Variants in MYH16 observed in about 807,000 individuals in gnomAD.
MYH16 encodes putative uncharacterized protein MYH16.
chr7:99,277,320 G>C (rs1792128333), intron 20 of MYH16, among the ~76,000 whole-genome samples: 1 of 152,156 alleles, frequency 6.6e-6, no homozygotes, highest in African/African-American at 2.4e-5. Context: ...TCCTAGGGGA[G>C]GATGGGCCTT....
rs928501471 is a variant in MYH16, at chr7:99,279,802, C to A, written n.2887+65C>A. On this transcript the variant is annotated intron_variant and non_coding_transcript_variant, in intron 22 of 41. Coordinates refer to ENST00000439784, the Ensembl canonical transcript of MYH16. ...CACCTTCAGGGGCCATACCTAAAGC[C>A]CCTATGGTGGCTACACCCAGTGCCC... The A allele has an allele frequency of 1.2e-5, 5 of 413,904 alleles. No homozygotes were observed. In the Admixed American group the frequency reaches 1.5e-4, roughly 12 times the overall value. 25.6% of individuals were successfully genotyped at this position (413,904 alleles called of 1,614,324 possible). A position where few individuals can be genotyped will look rare whatever the true frequency, so the allele number is the denominator to read the frequency against.
intron 23 of MYH16, among the ~76,000 whole-genome samples, chr7:99,282,013 T>C (rs1287262383): frequency 6.6e-6 from 1 of 152,314 alleles, no homozygotes; most frequent in East Asian, 1.9e-4. Flanking sequence ...ATGTGTGTTA[T>C]TCACACTGGT....
intron 22 of MYH16, 24 bp from the exon 5 acceptor site, chr7:99,280,852 C>G (rs968560309): frequency 1.3e-4 from 40 of 308,274 alleles, no homozygotes; most frequent in African/African-American, 8.2e-4. Context: ...AAGGATCTAC[C>G]TCTCTCCCTG....
chr7:99,277,878 CGTGTGT>C (rs61634087), intron 21 of MYH16, among the ~76,000 whole-genome samples, 166 bp downstream of exon 3: 2,346 of 121,140 alleles, frequency 0.019, 20 homozygotes, highest in African/African-American at 0.037. Context: ...CCATCCAATT[CGTGTGT>C]GTGTGTGTGT....
chr7:99,264,343 G>A (rs1208984514), intron 15 of MYH16: 1 of 152,688 alleles, frequency 6.5e-6, no homozygotes, highest in East Asian at 1.9e-4. Context: ...CCCTTTCAAT[G>A]TTGGGTAGTC....
intron 3 of MYH16, chr7:99,247,766 C>A: frequency 6.3e-6 from 1 of 158,444 alleles, no homozygotes; most frequent in Non-Finnish European, 1.4e-5. Context: ...TCGGGGTGGG[C>A]TCTGCTGGGG....
chr7:99,271,280 G>A (rs1467594721), intron 19 of MYH16, among the ~76,000 whole-genome samples: 1 of 152,208 alleles, frequency 6.6e-6, no homozygotes, highest in Admixed American at 6.5e-5. Context: ...AGGCTGAGGC[G>A]GGCGGATTGC....
intron 3 of MYH16, chr7:99,247,894 T>G (rs1174703967): frequency 6.6e-6 from 1 of 152,222 alleles, no homozygotes; most frequent in Non-Finnish European, 1.5e-5. Context: ...TTGCTAAATT[T>G]TGAGCAGCAG....
intron 23 of MYH16, among the ~76,000 whole-genome samples, chr7:99,282,541 T>C (rs1054344177): frequency 1.3e-5 from 2 of 152,158 alleles, no homozygotes; most frequent in Middle Eastern, 6.8e-3. Context: ...GGTATGATCA[T>C]GGCTCACTGC....
chr7:99,302,413 T>C (rs552150294), intron 38 of MYH16, among the ~76,000 whole-genome samples: 1 of 142,018 alleles, frequency 7.0e-6, no homozygotes, highest in Non-Finnish European at 1.5e-5. Flanking sequence ...AAAAATACAA[T>C]AATTAGCCAT....
At chr7:99,298,024 C>T (rs1159108654) in intron 36 of MYH16, 29 bp downstream of exon 17, 1 of 456,300 alleles carries the variant, frequency 2.2e-6, no homozygotes, top group African/African-American at 2.0e-5. Context: ...GGGAGGCTGA[C>T]TCTTGGGAAG....
At chr7:99,310,164 C>T (rs954686694), downstream of MYH16, among the ~76,000 whole-genome samples, 5 of 152,152 alleles carry the variant, frequency 3.3e-5, no homozygotes, top group African/African-American at 1.2e-4. Flanking sequence ...GAAGGCCCAA[C>T]ACACACAAAA....
At chr7:99,295,704 A>C (rs912858001) in intron 33 of MYH16, among the ~76,000 whole-genome samples, 1 of 152,020 alleles carries the variant, frequency 6.6e-6, no homozygotes, top group Non-Finnish European at 1.5e-5. Flanking sequence ...AAGGTGGTTC[A>C]TGCTTGTCAT....
chr7:99,284,022 T>C lies in MYH16; in HGVS notation n.3225+4T>C. 1 of 446,858 alleles carries C rather than the reference T, an allele frequency of 2.2e-6. No homozygotes were observed. Among genetic ancestry groups the C allele is most frequent in the South Asian group, 1.6e-5 (1 of 62,694 alleles). The allele number at this position is 446,858 out of a possible 1,614,324, so 27.7% of individuals were successfully genotyped here. ...ATCTCGAGGAGGTGGTGAAAAAGTA[T>C]GTCTTGTCGTCGTTCGTTTTGTCCA... is the stretch of plus-strand genomic sequence containing the variant. On this transcript the variant is annotated splice_donor_region_variant and intron_variant and non_coding_transcript_variant, in intron 25 of 41. Transcript: ENST00000439784.
rs1282459385 is a variant in MYH16, at chr7:99,302,309, A to T, written n.5137+505A>T. On this transcript the variant is annotated intron_variant and non_coding_transcript_variant, in intron 38 of 41. Coordinates refer to ENST00000439784, the Ensembl canonical transcript of MYH16. ...ACAGAGTGACCATCTCAAAAAAAAAAAAATATATACACACACACACACACA... is the reference window on the plus strand; with the variant it reads ...ACAGAGTGACCATCTCAAAAAAAAATAAATATATACACACACACACACACA... Among the ~76,000 whole-genome samples, 106 of 114,440 alleles carry T rather than the reference A, an allele frequency of 9.3e-4. 3 individuals carry two copies. Among genetic ancestry groups the T allele is most frequent in the African/African-American group, 5.0e-3 (98 of 19,558 alleles). The allele number at this position is 114,440 out of a possible 152,430, so 75.1% of individuals were successfully genotyped here. A position where few individuals can be genotyped will look rare whatever the true frequency, so the allele number is the denominator to read the frequency against.
downstream of MYH16, among the ~76,000 whole-genome samples, chr7:99,309,156 G>C (rs1792722830): frequency 6.6e-6 from 1 of 152,122 alleles, no homozygotes; most frequent in African/African-American, 2.4e-5. Flanking sequence ...TGCCCTCTAT[G>C]TGGGATTAAT....
chr7:99,260,033 C>G, intron 11 of MYH16: 1 of 657,322 alleles, frequency 1.5e-6, no homozygotes. Context: ...GTGTTAGGCA[C>G]TTAGGGCAGT....
At chr7:99,297,387 C>G (rs1207076540) in intron 34 of MYH16, among the ~76,000 whole-genome samples, 2 of 152,106 alleles carry the variant, frequency 1.3e-5, no homozygotes, top group Non-Finnish European at 1.5e-5. Flanking sequence ...GAGCCGAGAT[C>G]ATGCCACTGT....
rs551543035 is a variant in MYH16 at position 99,245,128 on chromosome 7, G to A, written n.354+1707G>A. 9.8e-5 allele frequency among the ~76,000 whole-genome samples: 15 copies of A among 152,342 alleles called. No homozygotes were observed. In the East Asian group the frequency reaches 2.7e-3, roughly 27 times the overall value. ...CACCCCACGGCTGAGACAGGCTGGA[G>A]GGGAAGAGTGACTCCATGGCTGGTG... is the stretch of plus-strand genomic sequence containing the variant. On this transcript the variant is annotated intron_variant and non_coding_transcript_variant, in intron 2 of 41. Coordinates refer to ENST00000439784, the Ensembl canonical transcript of MYH16.
Sources: gnomAD v4.1 joint callset for allele counts (sites outside exome capture counted in the v4.1 genomes callset) on GRCh38, gnomAD v4.1.1 for gene constraint, MANE v1.5 for transcripts, NCBI Gene and HGNC (gene_info 2026-07-23, HGNC 2026-07-21) for gene names.